Variants in UBA1 observed in about 807,000 individuals in gnomAD.
UBA1 encodes the protein ubiquitin-like modifier-activating enzyme 1.
A neutral mutation model predicts 84.7 loss-of-function variants in UBA1; 4 were observed. The ratio of observed to expected loss-of-function variants is 0.05; its 90% confidence interval spans 0.02 to 0.11. The LOEUF (loss-of-function observed/expected upper bound fraction) is 0.11, where lower values mean the gene tolerates loss of function less well. Ranked by LOEUF, UBA1 falls within the 10% of genes least tolerant of loss-of-function variation. The pLI, the probability that UBA1 is intolerant of heterozygous loss-of-function variation, is 1.00. For synonymous variants in UBA1, 364 were observed against 362.6 expected, an observed-to-expected ratio of 1.00 and a Z score of -0.04; for missense variants, 513 against 902.8, an observed-to-expected ratio of 0.57 and a Z score of 5.53.
Position 47,214,931 on chromosome X carries a change from C to A in UBA1, c.*2C>A. ...TATGTCCGATACACCATCCGCTGAC[C>A]CCGTCTGCTCCTCTAGGCTGGCCCC... On this transcript the variant is annotated 3_prime_UTR_variant, in exon 26 of 26. Coordinates refer to ENST00000335972, the MANE Select transcript of UBA1 (RefSeq NM_003334.4). 8.3e-7 allele frequency: 1 copy of A among 1,209,726 alleles called. No individual in the cohort carries two copies. The highest frequency in any genetic ancestry group is 1.1e-6 in the Non-Finnish European group (1 of 895,423).
intron 1 of UBA1, chrX:47,198,314 A>G: frequency 1.0e-6 from 1 of 970,288 alleles, no homozygotes; most frequent in Non-Finnish European, 1.3e-6. Context: ...GCCAGGTTCT[A>G]TGCTCTGTGT....
In UBA1 at chrX:47,202,993, C is replaced by T; in HGVS notation, c.1284C>T (p.Ala428=). ...MPIMQWLYFD[A]LECLPEDKEV... is the part of the protein sequence containing the mutation. The stretch of plus-strand genomic sequence containing the variant: ...TCATGCAGTGGCTATACTTTGATGC[C>T]CTTGAGTGTCTCCCTGAGGACAAAG... Residue 428 remains alanine (A), a synonymous_variant, in exon 12 of 26, where the codon GCC becomes GCT. Coordinates refer to ENST00000335972, the MANE Select transcript of UBA1 (RefSeq NM_003334.4). 6 of 1,211,820 alleles carry T rather than the reference C, an allele frequency of 5.0e-6. No homozygotes were observed. The highest frequency in any genetic ancestry group is 6.7e-6 in the Non-Finnish European group (6 of 895,438).
chrX:47,197,739 C>G (rs7891904), intron 1 of UBA1: 1 of 533,258 alleles, frequency 1.9e-6, no homozygotes. Context: ...GGGGATGAAA[C>G]GTGATAACAC....
At chrX:47,192,010 A>G (rs1936072704), upstream of UBA1, among the ~76,000 whole-genome samples, 1 of 112,328 alleles carries the variant, frequency 8.9e-6, no homozygotes, top group African/African-American at 3.2e-5. Flanking sequence ...GTAAGCCTGA[A>G]TAATGGGTAT....
chrX:47,206,590 A>C, intron 16 of UBA1, 146 bp downstream of exon 16: 1 of 568,569 alleles, frequency 1.8e-6, no homozygotes, highest in Non-Finnish European at 2.9e-6. Flanking sequence ...CTCACTTCCC[A>C]CCAGGCAGCC....
intron 1 of UBA1, among the ~76,000 whole-genome samples, chrX:47,196,157 C>T (rs1556785463): frequency 9.0e-6 from 1 of 111,262 alleles, no homozygotes; most frequent in African/African-American, 3.3e-5. Flanking sequence ...TCCAGAGATC[C>T]GAATTTGAGT....
At chrX:47,207,062 C>T (rs1936707494) in intron 16 of UBA1, among the ~76,000 whole-genome samples, 1 of 111,527 alleles carries the variant, frequency 9.0e-6, no homozygotes. Context: ...TGCCACATCA[C>T]TCCCAGTTGA....
chrX:47,200,750 A>G (rs1936377490), intron 5 of UBA1, 144 bp from the exon 6 acceptor site: 1 of 489,871 alleles, frequency 2.0e-6, no homozygotes, highest in Non-Finnish European at 3.7e-6. Context: ...TCTGATACAC[A>G]GTAGGTGCTA....
At chrX:47,202,582 TC>T (rs1936459259) in intron 10 of UBA1, 55 bp from the exon 11 acceptor site, 24 of 1,207,328 alleles carry the variant, frequency 2.0e-5, no homozygotes, top group Middle Eastern at 2.3e-4. Flanking sequence ...GTGTCCACAC[TC>T]CCTGCCCTCA....
rs369548657 is a variant in UBA1 at position 47,199,152 on chromosome X, G to A, written c.176+46G>A. Reference sequence around the variant, plus strand: ...GCTGAGGGGTGTGGAATGGGACATTGAGAGGATAAGGTTGGGTGGGGCAGG... The same window carrying A: ...GCTGAGGGGTGTGGAATGGGACATTAAGAGGATAAGGTTGGGTGGGGCAGG... On this transcript the variant is annotated intron_variant, in intron 3 of 25. Coordinates refer to ENST00000335972, the MANE Select transcript of UBA1 (RefSeq NM_003334.4). 1.2e-5 allele frequency: 15 copies of A among 1,211,084 alleles called. No individual in the cohort carries two copies. The African/African-American group carries it at 2.3e-4, about 18-fold the overall frequency.
chrX:47,206,206 C>G, intron 15 of UBA1, 42 bp from the exon 16 acceptor site: 1 of 1,184,128 alleles, frequency 8.4e-7, no homozygotes, highest in African/African-American at 1.8e-5. Flanking sequence ...TCTGTCCTCT[C>G]CTGATGTTTC....
Position 47,210,117 on chromosome X carries a change from T to C in UBA1, c.2193T>C (p.Pro731=). ...NIRQLLHNFP[P]DQLTSSGAPF... ...GGCAGCTGCTGCACAACTTCCCTCC[T>C]GACCAGGTAATGCCCAGTTGTTGGG... The change falls in exon 18 of 26, where the codon CCT becomes CCC. Residue 731 remains proline (P), a synonymous_variant. Coordinates refer to ENST00000335972, the MANE Select transcript of UBA1 (RefSeq NM_003334.4). 1 of 1,212,050 alleles carries C rather than the reference T, an allele frequency of 8.3e-7. No individual in the cohort carries two copies.
chrX:47,202,914 C>A (rs1936474264), intron 11 of UBA1, 29 bp from the exon 12 acceptor site: 1 of 1,202,701 alleles, frequency 8.3e-7, no homozygotes, highest in African/African-American at 1.8e-5. Flanking sequence ...TAACCACTGA[C>A]CACCCCCTCT....
rs782480530 is a variant in UBA1, at chrX:47,214,952, G to A, written c.*23G>A. 8.3e-7 allele frequency: 1 copy of A among 1,205,795 alleles called. No homozygotes were observed. Among genetic ancestry groups the A allele is most frequent in the African/African-American group, 1.8e-5 (1 of 57,041 alleles). ...TGACCCCGTCTGCTCCTCTAGGCTG[G>A]CCCCTTGTCCACCCCTCTCCACACC... On this transcript the variant is annotated 3_prime_UTR_variant, in exon 26 of 26. Coordinates refer to ENST00000335972, the MANE Select transcript of UBA1 (RefSeq NM_003334.4).
At chrX:47,212,085 CTG>C in intron 20 of UBA1, among the ~76,000 whole-genome samples, 1 of 104,599 alleles carries the variant, frequency 9.6e-6, no homozygotes, top group Middle Eastern at 4.9e-3. Context: ...CCTGTATCCT[CTG>C]TGTTCCCCCC....
chrX:47,202,270 G>T lies in UBA1; in HGVS notation c.909+17G>T. ...ATTAGCTTTGTGAGTGTGTCGATGG[G>T]ATCAGTGGGCTGTGGGGGGTGGTTC... On this transcript the variant is annotated intron_variant, in intron 9 of 25. Coordinates refer to ENST00000335972, the MANE Select transcript of UBA1 (RefSeq NM_003334.4). The T allele has an allele frequency of 1.7e-6, 2 of 1,206,677 alleles. No individual in the cohort carries two copies. Among genetic ancestry groups the T allele is most frequent in the Non-Finnish European group, 2.2e-6 (2 of 891,644 alleles).
In UBA1 at chrX:47,202,790, C is replaced by G; in HGVS notation, c.1209C>G (p.Gly403=). ...CACCCATAAACGCCTTCATTGGGGGCCTGGCTGCCCAGGAAGTCATGAAGG... is the reference window on the plus strand; with the variant it reads ...CACCCATAAACGCCTTCATTGGGGGGCTGGCTGCCCAGGAAGTCATGAAGG... The part of the protein sequence containing the change: ...DLAPINAFIG[G]LAAQEVMKAC... Residue 403 remains glycine, a synonymous_variant, in exon 11 of 26, where the codon GGC becomes GGG. Coordinates refer to ENST00000335972, the MANE Select transcript of UBA1 (RefSeq NM_003334.4). 8.3e-7 allele frequency: 1 copy of G among 1,207,957 alleles called. No individual in the cohort carries two copies. The highest frequency in any genetic ancestry group is 3.0e-5 in the East Asian group (1 of 33,711).
chrX:47,209,848 G>A, intron 17 of UBA1, 80 bp from the exon 18 acceptor site: 1 of 1,146,570 alleles, frequency 8.7e-7, no homozygotes. Context: ...AGTTTTCCAT[G>A]GAGAAAGTAA....
chrX:47,202,579 C>T (rs1936459121), intron 10 of UBA1, 59 bp from the exon 11 acceptor site: 2 of 1,208,033 alleles, frequency 1.7e-6, no homozygotes, highest in Admixed American at 2.2e-5. Flanking sequence ...TGCGTGTCCA[C>T]ACTCCCTGCC....
Sources: gnomAD v4.1 joint callset for allele counts (sites outside exome capture counted in the v4.1 genomes callset) on GRCh38, gnomAD v4.1.1 for gene constraint, MANE v1.5 for transcripts, NCBI Gene and HGNC (gene_info 2026-07-23, HGNC 2026-07-21) for gene names.